Variants in CDH12 observed in about 807,000 individuals in gnomAD.
CDH12 encodes cadherin 12, also known as cadherin-12.
CDH12 carries 41 observed loss-of-function variants against 74.1 expected under a neutral mutation model. That is an observed-to-expected ratio of 0.55 (90% CI 0.43 to 0.72). The LOEUF (loss-of-function observed/expected upper bound fraction) is 0.72, where lower values mean the gene tolerates loss of function less well. Among genes scored for constraint, CDH12 ranks in the 30% least tolerant of loss-of-function variants. The pLI is 0.00. For missense variants in CDH12, 945 were observed against 977.2 expected, an observed-to-expected ratio of 0.97 and a Z score of 0.44; for synonymous variants, 399 against 355.0, an observed-to-expected ratio of 1.12 and a Z score of -1.39.
intron 1 of CDH12, among the ~76,000 whole-genome samples, chr5:22,797,257 G>C (rs1316770124): frequency 6.8e-6 from 1 of 147,472 alleles, no homozygotes; most frequent in African/African-American, 2.5e-5. Flanking sequence ...ACAGCGAGAA[G>C]ACAACCATCT....
chr5:22,697,758 A>T, intron 1 of CDH12, among the ~76,000 whole-genome samples: 1 of 152,124 alleles, frequency 6.6e-6, no homozygotes, highest in East Asian at 1.9e-4. Context: ...ATCTGTAGAT[A>T]GAGCCTTTAA....
Position 22,225,110 on chromosome 5 carries a change from CAGAT to C in CDH12, c.-332-12471_-332-12468del. Among the ~76,000 whole-genome samples the C allele has an allele frequency of 3.3e-5, 5 of 152,088 alleles. 1 individual carries two copies. Among genetic ancestry groups the C allele is most frequent in the Admixed American group, 3.3e-4 (5 of 15,228 alleles). ...TTTCCAAAAATCGACCAAAGCCACTCAGATAGCTGAAATCTTTACCATAACGATT... is the reference window on the plus strand; with the variant it reads ...TTTCCAAAAATCGACCAAAGCCACTCAGCTGAAATCTTTACCATAACGATT... On this transcript the variant is annotated intron_variant, in intron 3 of 14. Coordinates refer to ENST00000382254, the MANE Select transcript of CDH12 (RefSeq NM_004061.5).
intron 5 of CDH12, among the ~76,000 whole-genome samples, chr5:22,076,775 A>G (rs1383233511): frequency 6.6e-6 from 1 of 152,074 alleles, no homozygotes; most frequent in Non-Finnish European, 1.5e-5. Flanking sequence ...ACTTCCTCAA[A>G]ATTTTCCAAG....
chr5:22,637,966 G>C (rs1247021652), intron 1 of CDH12, among the ~76,000 whole-genome samples: 1 of 152,096 alleles, frequency 6.6e-6, no homozygotes, highest in East Asian at 1.9e-4. Context: ...AAGAACCCAA[G>C]AATGAACCAA....
intron 3 of CDH12, among the ~76,000 whole-genome samples, chr5:22,276,024 A>G (rs960192493): frequency 6.6e-6 from 1 of 152,198 alleles, no homozygotes; most frequent in Non-Finnish European, 1.5e-5. Context: ...AATTGCATAA[A>G]AAGTTTAAAC....
intron 11 of CDH12, among the ~76,000 whole-genome samples, chr5:21,765,804 T>G (rs1485166990): frequency 3.3e-5 from 5 of 152,088 alleles, no homozygotes; most frequent in Non-Finnish European, 7.4e-5. Context: ...GATTATTATC[T>G]GGATCTCTGT....
At chr5:22,687,984 T>C (rs1741898798) in intron 1 of CDH12, among the ~76,000 whole-genome samples, 1 of 152,126 alleles carries the variant, frequency 6.6e-6, no homozygotes, top group Non-Finnish European at 1.5e-5. Context: ...AAAGATGCCT[T>C]GAGATGGCCA....
chr5:22,528,952 A>G (rs1217889538), intron 1 of CDH12, among the ~76,000 whole-genome samples: 1 of 118,586 alleles, frequency 8.4e-6, no homozygotes, highest in Non-Finnish European at 1.8e-5. Context: ...CTTCCTCTAG[A>G]CTACTCCCAG....
chr5:22,485,633 T>G (rs1746560992), intron 2 of CDH12, among the ~76,000 whole-genome samples: 1 of 152,218 alleles, frequency 6.6e-6, no homozygotes. Flanking sequence ...TCCATTTTCT[T>G]TTCTGTTCTC....
At chr5:22,437,251 G>A (rs1181854054) in intron 2 of CDH12, among the ~76,000 whole-genome samples, 1 of 151,392 alleles carries the variant, frequency 6.6e-6, no homozygotes, top group African/African-American at 2.4e-5. Flanking sequence ...TCAAAATGTT[G>A]AAATAATTTT....
chr5:22,812,942 G>C (rs1442005122), intron 1 of CDH12, among the ~76,000 whole-genome samples: 1 of 152,090 alleles, frequency 6.6e-6, no homozygotes, highest in African/African-American at 2.4e-5. Flanking sequence ...GTGAAGAAAT[G>C]ATCGCTGAGA....
chr5:22,570,899 T>G (rs1561497943), intron 1 of CDH12, among the ~76,000 whole-genome samples: 1 of 152,220 alleles, frequency 6.6e-6, no homozygotes, highest in Non-Finnish European at 1.5e-5. Context: ...ATTATCTTGC[T>G]GTATCTCCTG....
intron 1 of CDH12, among the ~76,000 whole-genome samples, chr5:22,662,039 G>C (rs1740375153): frequency 6.6e-6 from 1 of 152,046 alleles, no homozygotes; most frequent in South Asian, 2.1e-4. Context: ...GAAAAAACTT[G>C]AAAAGCACCA....
intron 1 of CDH12, among the ~76,000 whole-genome samples, chr5:22,624,677 T>C (rs891389480): frequency 3.5e-4 from 54 of 152,294 alleles, no homozygotes; most frequent in Non-Finnish European, 5.9e-4. Context: ...CTGGAGAGGA[T>C]GTGGAGAAAC....
chr5:22,393,886 T>A (rs1742347797), intron 3 of CDH12, among the ~76,000 whole-genome samples: 1 of 152,140 alleles, frequency 6.6e-6, no homozygotes, highest in South Asian at 2.1e-4. Flanking sequence ...GTTTCCCTCT[T>A]TGGCGAGATG....
intron 3 of CDH12, among the ~76,000 whole-genome samples, chr5:22,366,236 C>T (rs1327086281): frequency 2.6e-5 from 4 of 152,136 alleles, no homozygotes; most frequent in East Asian, 3.9e-4. Context: ...GGATTAAAAG[C>T]GTGAACCATC....
rs183602796 is a variant in CDH12, at chr5:22,359,173, T to C, written c.-333+46084A>G. ...AGTCAAGACTCATCATAGTGCTGTA[T>C]TCAGGAAACCCATTTCATGTGCAGA... On this transcript the variant is annotated intron_variant, in intron 3 of 14. Coordinates refer to ENST00000382254, the MANE Select transcript of CDH12 (RefSeq NM_004061.5). Among the ~76,000 whole-genome samples the C allele has an allele frequency of 2.1e-3, 321 of 152,226 alleles. 4 individuals are homozygous for C. The highest frequency in any genetic ancestry group is 7.4e-3 in the African/African-American group (307 of 41,552).
At chr5:22,474,635 A>G (rs1287764928) in intron 2 of CDH12, among the ~76,000 whole-genome samples, 5 of 152,150 alleles carry the variant, frequency 3.3e-5, no homozygotes, top group African/African-American at 1.2e-4. Context: ...AAGTGGATAC[A>G]CATGACCAGA....
chr5:22,774,890 C>T (rs1378734805), intron 1 of CDH12, among the ~76,000 whole-genome samples: 1 of 152,064 alleles, frequency 6.6e-6, no homozygotes, highest in African/African-American at 2.4e-5. Context: ...TCTATGCTCA[C>T]TACCTGGGTG....
Sources: gnomAD v4.1 joint callset for allele counts (sites outside exome capture counted in the v4.1 genomes callset) on GRCh38, gnomAD v4.1.1 for gene constraint, MANE v1.5 for transcripts, NCBI Gene and HGNC (gene_info 2026-07-23, HGNC 2026-07-21) for gene names.